The following POU2F1 variants were observed in gnomAD, a reference collection of about 807,000 sequenced individuals.
POU2F1 encodes the protein POU class 2 homeobox 1, also known as POU domain, class 2, transcription factor 1.
In POU2F1, 16 loss-of-function variants were observed where a neutral mutation model predicts 84.9. That is an observed-to-expected ratio of 0.19 (90% CI 0.13 to 0.29). POU2F1 has a LOEUF of 0.29. Ranked by LOEUF, POU2F1 falls within the 10% of genes least tolerant of loss-of-function variation. The pLI, the probability that POU2F1 is intolerant of heterozygous loss-of-function variation, is 1.00. For synonymous variants in POU2F1, 368 were observed against 368.3 expected (o/e 1.00, Z 0.01); for missense variants, 738 against 942.6 (o/e 0.78, Z 2.84).
intron 2 of POU2F1, among the ~76,000 whole-genome samples, chr1:167,350,449 A>G (rs1000456701): frequency 1.4e-4 from 21 of 152,288 alleles, no homozygotes; most frequent in African/African-American, 5.1e-4. Flanking sequence ...TCTGAGACCT[A>G]TAGTAACAAA....
At chr1:167,360,783 G>A (rs1051990206) in intron 2 of POU2F1, among the ~76,000 whole-genome samples, 25 of 151,994 alleles carry the variant, frequency 1.6e-4, no homozygotes, top group African/African-American at 5.3e-4. Context: ...ATTGCTTTGG[G>A]CAGTATAGAC....
At chr1:167,234,422 T>C (rs1351632063) in intron 1 of POU2F1, among the ~76,000 whole-genome samples, 1 of 152,120 alleles carries the variant, frequency 6.6e-6, no homozygotes, top group African/African-American at 2.4e-5. Flanking sequence ...TCTCAACATT[T>C]TGGGTTTTTG....
At chr1:167,338,298 A>C in intron 2 of POU2F1, 1 of 454,928 alleles carries the variant, frequency 2.2e-6, no homozygotes, top group South Asian at 1.6e-5. Context: ...TCTTTAGCTT[A>C]CTTTACTGTA....
Position 167,398,104 on chromosome 1 carries a change from C to T in POU2F1, c.1240C>T (p.Arg414Cys). The T allele has an allele frequency of 6.2e-7, 1 of 1,613,986 alleles. No individual in the cohort carries two copies. The highest frequency in any genetic ancestry group is 8.5e-7 in the Non-Finnish European group (1 of 1,179,968). The change falls in exon 11 of 16, where the codon CGT becomes TGT. Residue 414 changes from arginine to cysteine, a missense_variant. Arg to Cys is a radical substitution (Grantham distance 180, BLOSUM62 -3). This residue lies in a region of POU2F1 where 95 missense variants were observed against 195.1 expected (regional missense o/e 0.49). Transcript: ENST00000367866. ...KKRTSIETNI[R>C]VALEKSFLEN... ...ACGCACCAGCATAGAGACCAACATC[C>T]GTGTGGCCTTAGAGAAGAGTTTCTT...
chr1:167,371,839 C>A, intron 4 of POU2F1, 78 bp from the exon 5 acceptor site: 1 of 1,563,600 alleles, frequency 6.4e-7, no homozygotes, highest in Non-Finnish European at 8.8e-7. Flanking sequence ...TTAAATGATT[C>A]CTAAAAGATG....
At chr1:167,323,629 C>G (rs1049241200) in intron 1 of POU2F1, among the ~76,000 whole-genome samples, 24 of 152,132 alleles carry the variant, frequency 1.6e-4, no homozygotes, top group African/African-American at 5.1e-4. Flanking sequence ...TTATTAAGAA[C>G]CATTTACTTG....
At chr1:167,325,827 T>G (rs1012991383) in intron 1 of POU2F1, among the ~76,000 whole-genome samples, 1 of 150,644 alleles carries the variant, frequency 6.6e-6, no homozygotes, top group Non-Finnish European at 1.5e-5. Flanking sequence ...AGGCAGAGGT[T>G]GTAGCAAGCT....
At chr1:167,347,714 A>AACC (rs760233606) in intron 2 of POU2F1, among the ~76,000 whole-genome samples, 1 of 152,168 alleles carries the variant, frequency 6.6e-6, no homozygotes, top group Non-Finnish European at 1.5e-5. Context: ...AGCCCCTGAC[A>AACC]ACCACCAACC....
chr1:167,253,376 G>GTCC (rs1650873113), intron 1 of POU2F1, among the ~76,000 whole-genome samples: 1 of 121,498 alleles, frequency 8.2e-6, no homozygotes, highest in African/African-American at 4.0e-5. Context: ...TTATTTTTCT[G>GTCC]CCCCCCCCCC....
rs779587625 is a variant in POU2F1 at position 167,415,661 on chromosome 1, G to A, written c.2152G>A (p.Ala718Thr). The change falls in exon 16 of 16, where the codon GCC becomes ACC. Residue 718 changes from alanine to threonine, a missense_variant. Transcript: ENST00000367866. ...LTSNPVSLVS[A>T]AAASAGNSAP... Reference sequence around the variant, plus strand: ...CAGCAACCCTGTTAGCTTGGTCTCTGCCGCCGCAGCATCTGCAGGGAACTC... The same window carrying A: ...CAGCAACCCTGTTAGCTTGGTCTCTACCGCCGCAGCATCTGCAGGGAACTC... 3 of 1,614,142 alleles carry A rather than the reference G, an allele frequency of 1.9e-6. No homozygotes were observed. The highest frequency in any genetic ancestry group is 2.5e-6 in the Non-Finnish European group (3 of 1,180,030).
At chr1:167,237,457 TC>T (rs1649550787) in intron 1 of POU2F1, among the ~76,000 whole-genome samples, 1 of 152,124 alleles carries the variant, frequency 6.6e-6, no homozygotes, top group Non-Finnish European at 1.5e-5. Context: ...GCCATTTTTA[TC>T]AAGTAATTTT....
intron 1 of POU2F1, among the ~76,000 whole-genome samples, chr1:167,254,721 T>G (rs1315528341): frequency 6.6e-6 from 1 of 152,196 alleles, no homozygotes; most frequent in Non-Finnish European, 1.5e-5. Flanking sequence ...AAAAGGTGAT[T>G]CAGGTAATTT....
intron 13 of POU2F1, among the ~76,000 whole-genome samples, chr1:167,411,332 C>G (rs1265934186): frequency 6.6e-6 from 1 of 152,136 alleles, no homozygotes; most frequent in Non-Finnish European, 1.5e-5. Context: ...GCCACCATAC[C>G]CGGCCTACAA....
chr1:167,230,364 C>T (rs536986788), intron 1 of POU2F1, among the ~76,000 whole-genome samples: 3 of 152,098 alleles, frequency 2.0e-5, no homozygotes, highest in African/African-American at 7.2e-5. Flanking sequence ...AGTTACTTCA[C>T]CATGGATTTT....
At position 167,387,444 on chromosome 1, in the gene POU2F1, G is replaced by A. The variant is rs376346205; in HGVS notation, c.814-2144G>A. 3.3e-5 allele frequency among the ~76,000 whole-genome samples: 5 copies of A among 152,294 alleles called. No individual in the cohort carries two copies. The East Asian group carries it at 5.8e-4, about 18-fold the overall frequency. The stretch of plus-strand genomic sequence containing the variant: ...CCAAAATGGTCAGGTTGAAAATTAC[G>A]CAGTGTCAGCATGACATAGAAATGA... On this transcript the variant is annotated intron_variant, in intron 8 of 15. Transcript: ENST00000367866.
At chr1:167,301,817 T>A (rs1201418023) in intron 1 of POU2F1, among the ~76,000 whole-genome samples, 3 of 152,230 alleles carry the variant, frequency 2.0e-5, no homozygotes, top group African/African-American at 4.8e-5. Flanking sequence ...GTTTTTTTGT[T>A]CTGTGTGCTT....
chr1:167,375,136 A>G (rs1410839579), intron 6 of POU2F1, among the ~76,000 whole-genome samples: 1 of 152,222 alleles, frequency 6.6e-6, no homozygotes, highest in Non-Finnish European at 1.5e-5. Context: ...ATATCAGTAA[A>G]ATATATGAAG....
chr1:167,294,217 C>T (rs373646747), intron 1 of POU2F1, among the ~76,000 whole-genome samples: 8 of 146,768 alleles, frequency 5.5e-5, no homozygotes, highest in South Asian at 2.2e-4. Context: ...GGTGTGGTGG[C>T]GGGCACCTGT....
intron 1 of POU2F1, among the ~76,000 whole-genome samples, chr1:167,243,566 C>G (rs533366194): frequency 6.6e-6 from 1 of 152,300 alleles, no homozygotes; most frequent in South Asian, 2.1e-4. Flanking sequence ...ACCTCTGCCT[C>G]CCAGGTTCAA....
Sources: allele counts gnomAD v4.1 joint callset (sites outside exome capture counted in the v4.1 genomes callset), GRCh38; gene constraint gnomAD v4.1.1; regional missense constraint gnomAD v4.1.1; transcripts MANE v1.5; gene names NCBI Gene and HGNC (gene_info 2026-07-23, HGNC 2026-07-21).